The following GRM2 variants were observed in gnomAD, a reference collection of about 807,000 sequenced individuals.
GRM2 encodes the protein metabotropic glutamate receptor 2.
In GRM2, 35 loss-of-function variants were observed where a neutral mutation model predicts 60.4. The observed-to-expected ratio is 0.58, with a 90% CI of 0.44 to 0.77. GRM2 has a LOEUF of 0.77. Among genes scored for constraint, GRM2 ranks in the 30% least tolerant of loss-of-function variants. The pLI is 0.00. For synonymous variants in GRM2, 437 were observed against 484.1 expected (o/e 0.90, Z 1.28); for missense variants, 925 against 1,199.5 (o/e 0.77, Z 3.38).
In GRM2 at chr3:51,718,516, G is replaced by C. The variant is rs1444356425; in HGVS notation, c.*404G>C. On this transcript the variant is annotated 3_prime_UTR_variant, in exon 6 of 6. Coordinates refer to ENST00000395052, the MANE Select transcript of GRM2 (RefSeq NM_000839.5). This position sits in a 1 kb window ranked among gnomAD's most constrained non-coding sequence, Gnocchi z 4.2. ...TATATAAGTTACTCTGGGATGGGGA[G>C]GGTGGTTATTGTGGGGGCTGCCCCT... 5.2e-6 allele frequency: 1 copy of C among 193,736 alleles called. No homozygotes were observed. Among genetic ancestry groups the C allele is most frequent in the Non-Finnish European group, 1.1e-5 (1 of 94,184 alleles). The allele number at this position is 193,736 out of a possible 1,614,324, so 12.0% of individuals were successfully genotyped here.
intron 1 of GRM2, chr3:51,708,585 G>C (rs1277288114): frequency 1.1e-5 from 2 of 176,816 alleles, no homozygotes; most frequent in African/African-American, 4.7e-5. Context: ...CCTCTGCCTG[G>C]GACTTCACTG....
Position 51,717,556 on chromosome 3 carries a change from C to T in GRM2, c.2365-81C>T. The T allele has an allele frequency of 2.6e-6, 3 of 1,139,184 alleles. No homozygotes were observed. The highest frequency in any genetic ancestry group is 2.4e-5 in the East Asian group (1 of 42,220). 70.6% of individuals were successfully genotyped at this position (1,139,184 alleles called of 1,614,324 possible). A position where few individuals can be genotyped will look rare whatever the true frequency, so the allele number is the denominator to read the frequency against. ...TTGGATGCTTAGTCTCCCCCACTCC[C>T]TCCCCCACAGATCAGGCAGGGGGTC... On this transcript the variant is annotated intron_variant, in intron 4 of 5. Transcript: ENST00000395052. The surrounding 1 kb of genome is among the most constrained non-coding windows in gnomAD (Gnocchi z 6.0).
Position 51,713,531 on chromosome 3 carries a change from G to T in GRM2, c.1288+221G>T, listed in dbSNP as rs1034317594. ...TTCCAGAGAGTAGACCTCTGGCCTG[G>T]TCCCGCCATTTTGAGGGTCTCTGGC... On this transcript the variant is annotated intron_variant, in intron 3 of 5. Transcript: ENST00000395052. This position sits in a 1 kb window ranked among gnomAD's most constrained non-coding sequence, Gnocchi z 4.8. 9.4e-6 allele frequency: 5 copies of T among 534,110 alleles called. No homozygotes were observed. Among genetic ancestry groups the T allele is most frequent in the Non-Finnish European group, 1.7e-5 (5 of 300,532 alleles). The allele number at this position is 534,110 out of a possible 1,614,324, so 33.1% of individuals were successfully genotyped here.
At chr3:51,709,650 CCA>C (rs1221725746) in intron 2 of GRM2, among the ~76,000 whole-genome samples, 70 of 116,740 alleles carry the variant, frequency 6.0e-4, no homozygotes, top group African/African-American at 1.2e-3. Flanking sequence ...CTCATTACTC[CCA>C]CACACACACA....
At position 51,712,831 on chromosome 3, in the gene GRM2, C is replaced by T; in HGVS notation, c.809C>T (p.Thr270Ile). 6.2e-7 allele frequency: 1 copy of T among 1,612,962 alleles called. No homozygotes were observed. Among genetic ancestry groups the T allele is most frequent in the South Asian group, 1.1e-5 (1 of 91,076 alleles). Residue 270 changes from threonine to isoleucine, a missense_variant, in exon 3 of 6, where the codon ACC becomes ATC. Physicochemically the swap from Thr to Ile is moderately conservative, Grantham distance 89. Coordinates refer to ENST00000395052, the MANE Select transcript of GRM2 (RefSeq NM_000839.5). The surrounding 1 kb of genome is among the most constrained non-coding windows in gnomAD (Gnocchi z 5.3). ...AGTGCCCGCGTGGCTGTCCTGTTCACCCGTTCTGAGGATGCCCGGGAGCTG... is the reference window on the plus strand; with the variant it reads ...AGTGCCCGCGTGGCTGTCCTGTTCATCCGTTCTGAGGATGCCCGGGAGCTG... Reference protein sequence around the residue: ...KPSARVAVLFTRSEDARELLA... With the variant: ...KPSARVAVLFIRSEDARELLA...
rs560569628 is a variant in GRM2 at position 51,717,181 on chromosome 3, T to C, written c.2365-456T>C. On this transcript the variant is annotated intron_variant, in intron 4 of 5. Coordinates refer to ENST00000395052, the MANE Select transcript of GRM2 (RefSeq NM_000839.5). The surrounding 1 kb of genome is among the most constrained non-coding windows in gnomAD (Gnocchi z 6.0). The stretch of plus-strand genomic sequence containing the variant: ...CCACATGCATGCATGCACACACACA[T>C]ATCCCACATACACACACTCGCTGGC... Among the ~76,000 whole-genome samples the C allele has an allele frequency of 2.0e-4, 30 of 151,534 alleles. No individual in the cohort carries two copies. Among genetic ancestry groups the C allele is most frequent in the African/African-American group, 7.3e-4 (30 of 41,268 alleles).
Position 51,716,009 on chromosome 3 carries a change from G to A in GRM2, c.2236G>A (p.Ala746Thr). 6.2e-7 allele frequency: 1 copy of A among 1,614,210 alleles called. No individual in the cohort carries two copies. Among genetic ancestry groups the A allele is most frequent in the Non-Finnish European group, 8.5e-7 (1 of 1,180,040 alleles). Residue 746 changes from alanine to threonine, a missense_variant, in exon 4 of 6, where the codon GCC becomes ACC. Transcript: ENST00000395052. This position sits in a 1 kb window ranked among gnomAD's most constrained non-coding sequence, Gnocchi z 4.0. ...VLLIALCTLY[A>T]FKTRKCPENF... ...CCTCATCGCGCTCTGCACGCTTTAT[G>A]CCTTCAAGACTCGCAAGTGCCCCGA...
Position 51,717,617 on chromosome 3 carries a change from C to T in GRM2, c.2365-20C>T, listed in dbSNP as rs775285043. 1.9e-6 allele frequency: 3 copies of T among 1,604,826 alleles called. No homozygotes were observed. The highest frequency in any genetic ancestry group is 2.6e-6 in the Non-Finnish European group (3 of 1,174,286). On this transcript the variant is annotated intron_variant, in intron 4 of 5. Coordinates refer to ENST00000395052, the MANE Select transcript of GRM2 (RefSeq NM_000839.5). This position sits in a 1 kb window ranked among gnomAD's most constrained non-coding sequence, Gnocchi z 6.0. ...GCCCAGGTCTTGACCTGTGCTTGTT[C>T]ACCCACTCACCCACCGCAGGTACAG... is the stretch of plus-strand genomic sequence containing the variant.
At position 51,716,197 on chromosome 3, in the gene GRM2, A is replaced by G; in HGVS notation, c.2364+60A>G. 1 of 1,081,990 alleles carries G rather than the reference A, an allele frequency of 9.2e-7. No individual in the cohort carries two copies. The highest frequency in any genetic ancestry group is 1.4e-6 in the Non-Finnish European group (1 of 716,504). The allele number at this position is 1,081,990 out of a possible 1,614,324, so 67.0% of individuals were successfully genotyped here. On this transcript the variant is annotated intron_variant, in intron 4 of 5. Coordinates refer to ENST00000395052, the MANE Select transcript of GRM2 (RefSeq NM_000839.5). The surrounding 1 kb of genome is among the most constrained non-coding windows in gnomAD (Gnocchi z 4.0). The stretch of plus-strand genomic sequence containing the variant: ...GACACCAGACCCTCTGTTTCCTGGT[A>G]TCTTATTTAATCTACTGGTAGCTCT...
rs887411940 is a variant in GRM2 at position 51,718,174 on chromosome 3, G to A, written c.*62G>A. ...GGAACCTAGTGCAGACCCACGTCCAGGGCCAGGAGGAAGTTGGCTGGAGCA... is the reference window on the plus strand; with the variant it reads ...GGAACCTAGTGCAGACCCACGTCCAAGGCCAGGAGGAAGTTGGCTGGAGCA... On this transcript the variant is annotated 3_prime_UTR_variant, in exon 6 of 6. Coordinates refer to ENST00000395052, the MANE Select transcript of GRM2 (RefSeq NM_000839.5). The surrounding 1 kb of genome is among the most constrained non-coding windows in gnomAD (Gnocchi z 4.2). 1.4e-6 allele frequency: 2 copies of A among 1,383,752 alleles called. No individual in the cohort carries two copies. The highest frequency in any genetic ancestry group is 2.1e-6 in the Non-Finnish European group (2 of 969,578). The allele number at this position is 1,383,752 out of a possible 1,614,324, so 85.7% of individuals were successfully genotyped here.
Position 51,717,818 on chromosome 3 carries a change from G to A in GRM2, c.2545+1G>A. 1.2e-6 allele frequency: 2 copies of A among 1,613,450 alleles called. No individual in the cohort carries two copies. Among genetic ancestry groups the A allele is most frequent in the Non-Finnish European group, 1.7e-6 (2 of 1,179,680 alleles). The stretch of plus-strand genomic sequence containing the variant: ...AGGGCCAGCTCCAGCCTTGGCCAAG[G>A]TCAGTGTCCTAAGCAGCCCTCTCTG... On this transcript the variant is annotated splice_donor_variant, in intron 5 of 5. Coordinates refer to ENST00000395052, the MANE Select transcript of GRM2 (RefSeq NM_000839.5). LOFTEE classifies it high-confidence loss of function. This position sits in a 1 kb window ranked among gnomAD's most constrained non-coding sequence, Gnocchi z 6.0.
At position 51,715,470 on chromosome 3, in the gene GRM2, C is replaced by T. The variant is rs1703860524; in HGVS notation, c.1697C>T (p.Ala566Val). 2 of 1,612,634 alleles carry T rather than the reference C, an allele frequency of 1.2e-6. No homozygotes were observed. The highest frequency in any genetic ancestry group is 8.5e-7 in the Non-Finnish European group (1 of 1,179,918). ...CAGGAGTACATCCGCTGGGGCGATG[C>T]CTGGGCTGTGGGACCTGTCACCATC... ...LPQEYIRWGD[A>V]WAVGPVTIAC... Residue 566 changes from alanine (A) to valine (V), a missense_variant, in exon 4 of 6, where the codon GCC becomes GTC. By Grantham distance (64) the Ala-to-Val change is moderately conservative. Coordinates refer to ENST00000395052, the MANE Select transcript of GRM2 (RefSeq NM_000839.5). The surrounding 1 kb of genome is among the most constrained non-coding windows in gnomAD (Gnocchi z 9.0).
rs1703805081 is a variant in GRM2, at chr3:51,713,711, GTCTT to G, written c.1288+405_1288+408del. The stretch of plus-strand genomic sequence containing the variant: ...ATGACGCTCTATATTCACGGAAAAT[GTCTT>G]TCTGTCTTTCTTTTTTCTTTTCTTT... On this transcript the variant is annotated intron_variant, in intron 3 of 5. Transcript: ENST00000395052. This position sits in a 1 kb window ranked among gnomAD's most constrained non-coding sequence, Gnocchi z 4.8. The G allele has an allele frequency of 1.5e-5, 4 of 264,354 alleles. No individual in the cohort carries two copies. The highest frequency in any genetic ancestry group is 7.4e-6 in the Non-Finnish European group (1 of 135,982). 16.4% of individuals were successfully genotyped at this position (264,354 alleles called of 1,614,324 possible). A position where few individuals can be genotyped will look rare whatever the true frequency, so the allele number is the denominator to read the frequency against.
In GRM2 at chr3:51,712,958, G is replaced by A. The variant is rs1190723553; in HGVS notation, c.936G>A (p.Glu312=). The change falls in exon 3 of 6, where the codon GAG becomes GAA. Residue 312 remains glutamate, a synonymous_variant. Transcript: ENST00000395052. This position sits in a 1 kb window ranked among gnomAD's most constrained non-coding sequence, Gnocchi z 5.3. ...SVVAGSEGAA[E]GAITIELASY... ...TGGCAGGCAGTGAGGGGGCTGCTGA[G>A]GGTGCTATCACCATCGAGCTGGCCT... The A allele has an allele frequency of 1.2e-6, 2 of 1,613,018 alleles. No individual in the cohort carries two copies. Among genetic ancestry groups the A allele is most frequent in the East Asian group, 4.5e-5 (2 of 44,882 alleles).
In GRM2 at chr3:51,712,191, C is replaced by G. The variant is rs932929822; in HGVS notation, c.451-282C>G. The stretch of plus-strand genomic sequence containing the variant: ...CTCCACCCAGGCCTTCCTTGGCCCC[C>G]CTGCCATGTGTCTAAAAGGGGATGG... On this transcript the variant is annotated intron_variant, in intron 2 of 5. Coordinates refer to ENST00000395052, the MANE Select transcript of GRM2 (RefSeq NM_000839.5). This position sits in a 1 kb window ranked among gnomAD's most constrained non-coding sequence, Gnocchi z 5.3. Among the ~76,000 whole-genome samples the G allele has an allele frequency of 2.0e-5, 3 of 152,162 alleles. No individual in the cohort carries two copies.
At position 51,717,909 on chromosome 3, in the gene GRM2, C is replaced by T. The variant is rs1164682354; in HGVS notation, c.2545+92C>T. 2.1e-6 allele frequency: 3 copies of T among 1,443,638 alleles called. No individual in the cohort carries two copies. The highest frequency in any genetic ancestry group is 2.9e-6 in the Non-Finnish European group (3 of 1,027,116). 89.4% of individuals were successfully genotyped at this position (1,443,638 alleles called of 1,614,324 possible). A position where few individuals can be genotyped will look rare whatever the true frequency, so the allele number is the denominator to read the frequency against. On this transcript the variant is annotated intron_variant, in intron 5 of 5. Coordinates refer to ENST00000395052, the MANE Select transcript of GRM2 (RefSeq NM_000839.5). The surrounding 1 kb of genome is among the most constrained non-coding windows in gnomAD (Gnocchi z 6.0). ...ATCTCTTGTCTGGGGGTGAGGTGCC[C>T]CCCAAATGACACTGGCAGGAGAGGA... is the stretch of plus-strand genomic sequence containing the variant.
intron 2 of GRM2, chr3:51,711,744 A>G (rs1577556201): frequency 6.6e-6 from 1 of 152,402 alleles, no homozygotes; most frequent in East Asian, 1.9e-4. Context: ...AGGGGAGGAG[A>G]CATTGAGCCC....
rs200939350 is a variant in GRM2, at chr3:51,712,790, C to T, written c.768C>T (p.Ala256=). 4 of 1,613,126 alleles carry T rather than the reference C, an allele frequency of 2.5e-6. No homozygotes were observed. In the East Asian group the frequency reaches 6.7e-5, roughly 27 times the overall value. The change falls in exon 3 of 6, where the codon GCC becomes GCT. Residue 256 remains alanine (A), a synonymous_variant. Transcript: ENST00000395052. This position sits in a 1 kb window ranked among gnomAD's most constrained non-coding sequence, Gnocchi z 5.3. ...SRAAFEGVVR[A]LLQKPSARVA... is the part of the protein sequence containing the mutation. ...CGGCCTTTGAGGGTGTGGTGCGAGC[C>T]CTGCTGCAGAAGCCCAGTGCCCGCG... is the stretch of plus-strand genomic sequence containing the variant.
In GRM2 at chr3:51,716,933, G is replaced by A. The variant is rs1397077956; in HGVS notation, c.2365-704G>A. 3.3e-5 allele frequency among the ~76,000 whole-genome samples: 5 copies of A among 152,182 alleles called. No homozygotes were observed. The highest frequency in any genetic ancestry group is 9.7e-5 in the African/African-American group (4 of 41,434). On this transcript the variant is annotated intron_variant, in intron 4 of 5. Transcript: ENST00000395052. The surrounding 1 kb of genome is among the most constrained non-coding windows in gnomAD (Gnocchi z 4.0). The stretch of plus-strand genomic sequence containing the variant: ...AGAGGTGTGGTGGCACAGTGCTGGG[G>A]GCCAGGGACCGCTGGGCTTGGCTGC...
Sources: allele counts gnomAD v4.1 joint callset (sites outside exome capture counted in the v4.1 genomes callset), GRCh38; gene constraint gnomAD v4.1.1; non-coding constraint Gnocchi (gnomAD v3.1); transcripts MANE v1.5; gene names NCBI Gene and HGNC (gene_info 2026-07-23, HGNC 2026-07-21).